ABCC1: variants seen among roughly 807,000 people sequenced by gnomAD.
ABCC1 encodes multidrug resistance-associated protein 1.
Under a neutral mutation model 172.9 loss-of-function variants are expected in ABCC1, and 83 were observed. The observed-to-expected ratio is 0.48, with a 90% confidence interval of 0.40 to 0.58. The LOEUF (loss-of-function observed/expected upper bound fraction) is 0.58, where lower values mean the gene tolerates loss of function less well. Among genes scored for constraint, ABCC1 ranks in the 20% least tolerant of loss-of-function variants. ABCC1 has a pLI of 0.00. For synonymous variants in ABCC1, 937 were observed against 825.2 expected (o/e 1.14, Z -2.32); for missense variants, 1,817 against 2,002.7 (o/e 0.91, Z 1.77).
chr16:15,986,863 CATT>C (rs2046756497), intron 1 of ABCC1, among the ~76,000 whole-genome samples: 1 of 152,150 alleles, frequency 6.6e-6, no homozygotes, highest in African/African-American at 2.4e-5. Flanking sequence ...CACAATCAAT[CATT>C]TGGTTAGGCT....
At chr16:16,069,547 C>T (rs772106802) in intron 13 of ABCC1, among the ~76,000 whole-genome samples, 31 of 151,938 alleles carry the variant, frequency 2.0e-4, no homozygotes, top group Non-Finnish European at 4.1e-4. Flanking sequence ...CCGAGCATTG[C>T]GAACATCCCT....
chr16:16,106,980 C>T (rs879304008), intron 21 of ABCC1, 107 bp downstream of exon 21: 14 of 1,434,462 alleles, frequency 9.8e-6, no homozygotes, highest in Non-Finnish European at 1.2e-5. Context: ...ACCTGTCCAT[C>T]ACAACACACC....
chr16:16,056,590 A>G (rs1352144993), intron 12 of ABCC1: 1 of 428,448 alleles, frequency 2.3e-6, no homozygotes, highest in Admixed American at 3.9e-5. Context: ...AATTACTTCA[A>G]CCTGGGAGGC....
chr16:16,092,541 A>G (rs543914273), intron 19 of ABCC1, among the ~76,000 whole-genome samples: 5 of 152,200 alleles, frequency 3.3e-5, no homozygotes, highest in Admixed American at 1.3e-4. Flanking sequence ...AGGTTCGTCT[A>G]TGTTGTAGCT....
At chr16:16,082,235 T>C (rs2050833043) in intron 16 of ABCC1, among the ~76,000 whole-genome samples, 1 of 152,196 alleles carries the variant, frequency 6.6e-6, no homozygotes. Flanking sequence ...TTGAATGCTC[T>C]TCCCTCTTCT....
At position 15,984,448 on chromosome 16, in the gene ABCC1, C is replaced by CGTTTTTTTTTTTTTTTT. The variant is rs61396501; in HGVS notation, c.49-23368_49-23367insGTTTTTTTTTTTTTTTT. Among the ~76,000 whole-genome samples the CGTTTTTTTTTTTTTTTT allele has an allele frequency of 1.2e-4, 18 of 146,950 alleles. 8 individuals are homozygous for CGTTTTTTTTTTTTTTTT. Among genetic ancestry groups the CGTTTTTTTTTTTTTTTT allele is most frequent in the Non-Finnish European group, 1.2e-4 (8 of 66,862 alleles). On this transcript the variant is annotated intron_variant, in intron 1 of 30. Transcript: ENST00000399410. Reference sequence around the variant, plus strand: ...TTTTTATTGTTTACCTTGATATATACTTTTTTTTTTTTTGAGATAGAGTCT... The same window carrying CGTTTTTTTTTTTTTTTT: ...TTTTTATTGTTTACCTTGATATATACGTTTTTTTTTTTTTTTTTTTTTTTTTTTTTGAGATAGAGTCT...
chr16:15,997,370 C>T (rs1488030052), intron 1 of ABCC1, among the ~76,000 whole-genome samples: 1 of 152,160 alleles, frequency 6.6e-6, no homozygotes, highest in African/African-American at 2.4e-5. Context: ...GGATTATAGG[C>T]GTGAGCCACC....
chr16:16,066,483 C>G (rs1199485015), intron 12 of ABCC1, among the ~76,000 whole-genome samples: 1 of 152,020 alleles, frequency 6.6e-6, no homozygotes, highest in Admixed American at 6.6e-5. Flanking sequence ...GCCTGGCCAT[C>G]TGACTGGTTT....
At chr16:16,086,713 T>G in intron 17 of ABCC1, 111 bp from the exon 18 acceptor site, 1 of 1,231,042 alleles carries the variant, frequency 8.1e-7, no homozygotes, top group South Asian at 1.3e-5. Flanking sequence ...AAGCAGTCCT[T>G]CCACCTTGGC....
intron 26 of ABCC1, among the ~76,000 whole-genome samples, chr16:16,128,120 G>C (rs2045518342): frequency 6.6e-6 from 1 of 151,074 alleles, no homozygotes; most frequent in Non-Finnish European, 1.5e-5. Flanking sequence ...TAGCCTCATT[G>C]ACATGTGAAT....
chr16:16,131,969 C>T (rs766246315), intron 27 of ABCC1, 34 bp downstream of exon 27: 3 of 1,600,024 alleles, frequency 1.9e-6, no homozygotes, highest in Non-Finnish European at 2.6e-6. Flanking sequence ...CTCACCCATT[C>T]CCAGTCGGGC....
intron 7 of ABCC1, among the ~76,000 whole-genome samples, chr16:16,038,235 G>C (rs1357489585): frequency 1.3e-5 from 2 of 152,154 alleles, no homozygotes; most frequent in African/African-American, 4.8e-5. Flanking sequence ...AGGGAAACTG[G>C]ATCATGTGAT....
At chr16:15,953,663 C>T (rs2045926177) in intron 1 of ABCC1, among the ~76,000 whole-genome samples, 1 of 152,162 alleles carries the variant, frequency 6.6e-6, no homozygotes, top group Non-Finnish European at 1.5e-5. Context: ...CCAACTGCCA[C>T]TGGAGAAGAC....
At position 16,115,021 on chromosome 16, in the gene ABCC1, C is replaced by T; in HGVS notation, c.3335C>T (p.Thr1112Met). Reference protein sequence around the residue: ...IGACIVILLATPIAAIIIPPL... With the variant: ...IGACIVILLAMPIAAIIIPPL... Reference sequence around the variant, plus strand: ...GCCTGCATCGTTATCCTGCTGGCCACGCCCATCGCCGCCATCATCATCCCG... The same window carrying T: ...GCCTGCATCGTTATCCTGCTGGCCATGCCCATCGCCGCCATCATCATCCCG... The change falls in exon 23 of 31, where the codon ACG (threonine) becomes ATG (methionine). Residue 1112 changes from threonine to methionine, a missense_variant. By Grantham distance (81) the Thr-to-Met change is moderately conservative (BLOSUM62 -1). This residue lies in a region of ABCC1 where 1,412 missense variants were observed against 1,600.3 expected (regional missense o/e 0.88). Transcript: ENST00000399410. 4 of 1,614,204 alleles carry T rather than the reference C, an allele frequency of 2.5e-6. No individual in the cohort carries two copies. The highest frequency in any genetic ancestry group is 2.5e-6 in the Non-Finnish European group (3 of 1,180,032).
intron 23 of ABCC1, among the ~76,000 whole-genome samples, chr16:16,119,286 C>G (rs1161850489): frequency 6.6e-6 from 1 of 152,044 alleles, no homozygotes; most frequent in Non-Finnish European, 1.5e-5. Context: ...ACAGAAAATA[C>G]AAAAATTAGC....
chr16:15,958,930 CT>C (rs1415855666), intron 1 of ABCC1, among the ~76,000 whole-genome samples: 12 of 152,196 alleles, frequency 7.9e-5, no homozygotes, highest in Non-Finnish European at 1.5e-4. Context: ...CAAACCTGGC[CT>C]CTACCCCCTA....
At position 16,134,408 on chromosome 16, in the gene ABCC1, G is replaced by A. The variant is rs902264623; in HGVS notation, c.4025G>A (p.Arg1342Gln). The A allele has an allele frequency of 1.3e-5, 21 of 1,613,978 alleles. No individual in the cohort carries two copies. The highest frequency in any genetic ancestry group is 2.7e-5 in the African/African-American group (2 of 74,894). ...TCGTCCCTGACCCTGGGCTTATTTCGGATCAACGAGTCTGCCGAAGGAGAG... is the reference window on the plus strand; with the variant it reads ...TCGTCCCTGACCCTGGGCTTATTTCAGATCAACGAGTCTGCCGAAGGAGAG... ...GKSSLTLGLF[R>Q]INESAEGEII... Residue 1342 changes from arginine to glutamine, a missense_variant, in exon 28 of 31, where the codon CGG (arginine) becomes CAG (glutamine). By Grantham distance (43) the Arg-to-Gln change is conservative. Coordinates refer to ENST00000399410, the MANE Select transcript of ABCC1 (RefSeq NM_004996.4).
intron 6 of ABCC1, among the ~76,000 whole-genome samples, 195 bp downstream of exon 6, chr16:16,033,365 A>G (rs1267194747): frequency 6.6e-6 from 1 of 152,158 alleles, no homozygotes; most frequent in Non-Finnish European, 1.5e-5. Flanking sequence ...GTGAACTTGA[A>G]TGTGATAAAC....
intron 1 of ABCC1, among the ~76,000 whole-genome samples, chr16:15,996,966 G>A (rs2047078506): frequency 6.6e-6 from 1 of 152,152 alleles, no homozygotes; most frequent in Admixed American, 6.6e-5. Context: ...ACTTGGACGG[G>A]GTCCCCAACT....
Sources: allele counts gnomAD v4.1 joint callset (sites outside exome capture counted in the v4.1 genomes callset), GRCh38; gene constraint gnomAD v4.1.1; regional missense constraint gnomAD v4.1.1; transcripts MANE v1.5; gene names NCBI Gene and HGNC (gene_info 2026-07-23, HGNC 2026-07-21).